Variants in AOPEP observed in about 807,000 individuals in gnomAD.
AOPEP encodes the protein aminopeptidase O.
AOPEP carries 77 observed loss-of-function variants against 98.1 expected under a neutral mutation model. The ratio of observed to expected loss-of-function variants is 0.78; its 90% CI spans 0.65 to 0.95. The LOEUF (loss-of-function observed/expected upper bound fraction) is 0.95. Ranked by LOEUF, AOPEP falls within the 40% of genes least tolerant of loss-of-function variation. The pLI, the probability that AOPEP is intolerant of heterozygous loss-of-function variation, is 0.00. For synonymous variants in AOPEP, 346 were observed against 365.3 expected (o/e 0.95, Z 0.60); for missense variants, 1,024 against 1,024.7 (o/e 1.00, Z 0.01).
chr9:94,803,004 C>T (rs1256312125), intron 5 of AOPEP, among the ~76,000 whole-genome samples: 1 of 152,104 alleles, frequency 6.6e-6, no homozygotes, highest in East Asian at 1.9e-4. Flanking sequence ...CAGCTGGCTA[C>T]TGGGGCCCTG....
At position 94,949,941 on chromosome 9, in the gene AOPEP, C is replaced by G. The variant is rs1446338040; in HGVS notation, c.1662-5236C>G. Among the ~76,000 whole-genome samples, 4 of 152,222 alleles carry G rather than the reference C, an allele frequency of 2.6e-5. No individual in the cohort carries two copies. The East Asian group carries it at 5.8e-4, about 22-fold the overall frequency. On this transcript the variant is annotated intron_variant, in intron 7 of 16. Coordinates refer to ENST00000375315, the MANE Select transcript of AOPEP (RefSeq NM_001193329.3). ...ATGTGGCTCTTGAAATTTGTTGTTT[C>G]TTTTATTTATTTTCTGATGATGATG...
At chr9:95,115,267 T>A in the AOPEP span, among the ~76,000 whole-genome samples, 2 of 152,210 alleles carry the variant, frequency 1.3e-5, no homozygotes, top group Non-Finnish European at 2.9e-5. Flanking sequence ...TTCAGGTACA[T>A]GGAAGTAGCT....
At chr9:94,838,154 A>G (rs541611483) in intron 5 of AOPEP, among the ~76,000 whole-genome samples, 4 of 151,846 alleles carry the variant, frequency 2.6e-5, no homozygotes, top group Admixed American at 6.6e-5. Flanking sequence ...GACTACAGGC[A>G]CCCGCCACCC....
At chr9:95,086,314 A>G (rs2070690116) in intron 16 of AOPEP, 1 of 985,450 alleles carries the variant, frequency 1.0e-6, no homozygotes, top group Non-Finnish European at 1.2e-6. Flanking sequence ...GGCAGGACAC[A>G]GTGCCAGCAG....
chr9:94,871,030 C>T (rs1011952472), intron 5 of AOPEP, among the ~76,000 whole-genome samples: 3 of 152,226 alleles, frequency 2.0e-5, no homozygotes, highest in Admixed American at 2.0e-4. Context: ...CAGCCCTCCT[C>T]CTCCACTCTT....
intron 1 of AOPEP, among the ~76,000 whole-genome samples, chr9:94,735,584 T>C (rs1421904842): frequency 1.3e-5 from 2 of 152,214 alleles, no homozygotes; most frequent in Non-Finnish European, 2.9e-5. Flanking sequence ...ACGTTGTTTA[T>C]TGGGCTTGTG....
chr9:95,068,814 A>G (rs2068180092), intron 14 of AOPEP, among the ~76,000 whole-genome samples: 1 of 152,170 alleles, frequency 6.6e-6, no homozygotes, highest in Non-Finnish European at 1.5e-5. Context: ...AGAAATAGCC[A>G]CTGAGAAGAG....
intron 5 of AOPEP, among the ~76,000 whole-genome samples, chr9:94,835,374 T>C (rs1314932864): frequency 6.6e-6 from 1 of 152,242 alleles, no homozygotes; most frequent in African/African-American, 2.4e-5. Flanking sequence ...CTGGTCTGTC[T>C]CTTCCTAACC....
intron 3 of AOPEP, among the ~76,000 whole-genome samples, chr9:94,773,797 G>A (rs1841424295): frequency 6.6e-6 from 1 of 151,548 alleles, no homozygotes; most frequent in South Asian, 2.1e-4. Flanking sequence ...ACAGGGTCTC[G>A]CTCTGTTGCC....
rs116766911 is a variant in AOPEP at position 94,972,294 on chromosome 9, A to G, written c.1916+4493A>G. 1.5e-4 allele frequency among the ~76,000 whole-genome samples: 23 copies of G among 152,230 alleles called. No homozygotes were observed. Among genetic ancestry groups the G allele is most frequent in the African/African-American group, 5.5e-4 (23 of 41,548 alleles). On this transcript the variant is annotated intron_variant, in intron 10 of 16. Coordinates refer to ENST00000375315, the MANE Select transcript of AOPEP (RefSeq NM_001193329.3). The surrounding 1 kb of genome is among the most constrained non-coding windows in gnomAD (Gnocchi z 4.2). Reference sequence around the variant, plus strand: ...GAGGGCAGGTGTTTGGGGAGTCTGAATGGGGCAGAGGGAGTGAAAGGGACG... The same window carrying G: ...GAGGGCAGGTGTTTGGGGAGTCTGAGTGGGGCAGAGGGAGTGAAAGGGACG...
At chr9:94,936,311 TGTC>T (rs1409860865) in intron 7 of AOPEP, among the ~76,000 whole-genome samples, 1 of 152,108 alleles carries the variant, frequency 6.6e-6, no homozygotes, top group African/African-American at 2.4e-5. Flanking sequence ...TCTCATCTCT[TGTC>T]GTTCTTTGCT....
At chr9:94,767,793 T>C (rs538529964) in intron 2 of AOPEP, among the ~76,000 whole-genome samples, 11 of 152,330 alleles carry the variant, frequency 7.2e-5, no homozygotes, top group Non-Finnish European at 5.9e-5. Context: ...GTAAAATCTA[T>C]CTTTCTGAGT....
chr9:95,126,716 G>C, the AOPEP span: 1 of 853,598 alleles, frequency 1.2e-6, no homozygotes, highest in Non-Finnish European at 1.9e-6. Flanking sequence ...TTAGAAGAAC[G>C]AACCACTGCT....
intron 6 of AOPEP, among the ~76,000 whole-genome samples, chr9:94,924,756 G>A (rs2054053811): frequency 6.6e-6 from 1 of 152,176 alleles, no homozygotes; most frequent in Admixed American, 6.5e-5. Flanking sequence ...CATGGTGAAG[G>A]AAGGAGGGCT....
At chr9:95,126,500 A>G in the AOPEP span, 30 of 1,604,932 alleles carry the variant, frequency 1.9e-5, no homozygotes, top group Admixed American at 4.5e-4. Context: ...TTTTACATCA[A>G]TTACTAGAAG....
chr9:94,961,272 T>C (rs772730419), intron 9 of AOPEP, among the ~76,000 whole-genome samples: 68 of 152,180 alleles, frequency 4.5e-4, no homozygotes, highest in Non-Finnish European at 7.8e-4. Context: ...TTGGTGTCTA[T>C]GGTTTTCTAT....
intron 1 of AOPEP, among the ~76,000 whole-genome samples, chr9:94,729,883 A>G (rs1033193249): frequency 3.3e-5 from 5 of 152,226 alleles, no homozygotes; most frequent in African/African-American, 1.2e-4. Context: ...TCTCGATGAA[A>G]AAAGAAAGAG....
intron 7 of AOPEP, among the ~76,000 whole-genome samples, chr9:94,953,067 C>T (rs762310156): frequency 5.9e-5 from 9 of 152,160 alleles, no homozygotes; most frequent in African/African-American, 1.9e-4. Context: ...AAAAGACGCA[C>T]GGCAACTCTG....
intron 5 of AOPEP, among the ~76,000 whole-genome samples, chr9:94,920,831 G>A (rs147968406): frequency 6.6e-6 from 1 of 152,326 alleles, no homozygotes; most frequent in East Asian, 1.9e-4. Flanking sequence ...CGGCAGACAT[G>A]CAATACGCTT....
Sources: gnomAD v4.1 joint callset for allele counts (sites outside exome capture counted in the v4.1 genomes callset) on GRCh38, gnomAD v4.1.1 for gene constraint, Gnocchi (gnomAD v3.1) non-coding constraint, MANE v1.5 for transcripts, NCBI Gene and HGNC (gene_info 2026-07-23, HGNC 2026-07-21) for gene names.